CDR2: variants seen among roughly 807,000 people sequenced by gnomAD.
The protein encoded by CDR2 is cerebellar degeneration related protein 2.
CDR2 carries 34 observed loss-of-function variants against 48.4 expected under a neutral mutation model. The ratio of observed to expected loss-of-function variants is 0.70; its 90% CI spans 0.53 to 0.94. The LOEUF (loss-of-function observed/expected upper bound fraction) is 0.94. Ranked by LOEUF, CDR2 falls within the 40% of genes least tolerant of loss-of-function variation. CDR2 has a pLI of 0.00. For missense variants in CDR2, 498 were observed against 549.5 expected, an observed-to-expected ratio of 0.91 and a Z score of 0.94; for synonymous variants, 240 against 219.7, an observed-to-expected ratio of 1.09 and a Z score of -0.82.
At position 22,349,354 on chromosome 16, in the gene CDR2, C is replaced by T. The variant is rs756841589; in HGVS notation, c.431G>A (p.Arg144Lys). Reference protein sequence around the residue: ...EELKSSGQGRRSPGKCDQEKP... With the variant: ...EELKSSGQGRKSPGKCDQEKP... ...CTCCTGGTCACACTTTCCCGGGCTC[C>T]TTCTCCCTTGGCCAGATGACTTCAG... The change falls in exon 4 of 5, where the codon AGG becomes AAG. Residue 144 changes from arginine to lysine, a missense_variant. Physicochemically the swap from Arg to Lys is conservative, Grantham distance 26. Coordinates refer to ENST00000268383, the MANE Select transcript of CDR2 (RefSeq NM_001802.2). The T allele has an allele frequency of 2.7e-5, 44 of 1,614,192 alleles. No individual in the cohort carries two copies. The highest frequency in any genetic ancestry group is 3.6e-5 in the Non-Finnish European group (43 of 1,180,034).
Position 22,364,913 on chromosome 16 carries a change from G to C in CDR2, c.181C>G (p.Gln61Glu). The C allele has an allele frequency of 6.2e-7, 1 of 1,601,638 alleles. No homozygotes were observed. Among genetic ancestry groups the C allele is most frequent in the Non-Finnish European group, 8.6e-7 (1 of 1,168,714 alleles). Residue 61 changes from glutamine (Q) to glutamate (E), a missense_variant, in exon 2 of 5, where the codon CAG becomes GAG. Coordinates refer to ENST00000268383, the MANE Select transcript of CDR2 (RefSeq NM_001802.2). Reference sequence around the variant, plus strand: ...GCCAAGTGAATTACCTCAATTTCCTGTAACTGCTCCTGATTGGTTGTATAC... The same window carrying C: ...GCCAAGTGAATTACCTCAATTTCCTCTAACTGCTCCTGATTGGTTGTATAC... ...QMYTTNQEQL[Q>E]EIEYLTKQVE...
intron 1 of CDR2, chr16:22,367,316 C>G (rs992895917): frequency 6.6e-6 from 1 of 152,352 alleles, no homozygotes; most frequent in African/African-American, 2.4e-5. Context: ...GCATGAGCCA[C>G]TGTGCCCAGC....
At chr16:22,363,741 G>A (rs2049026584) in intron 2 of CDR2, among the ~76,000 whole-genome samples, 1 of 152,148 alleles carries the variant, frequency 6.6e-6, no homozygotes, top group African/African-American at 2.4e-5. Context: ...GGGGAAGCAT[G>A]GGTTGGGACA....
At chr16:22,370,856 T>C (rs1004006193) in intron 1 of CDR2, among the ~76,000 whole-genome samples, 1 of 152,240 alleles carries the variant, frequency 6.6e-6, no homozygotes, top group Non-Finnish European at 1.5e-5. Flanking sequence ...ATTCAGAGCA[T>C]GGCTTACTAC....
chr16:22,362,754 AGTTTT>A (rs1206900061), intron 2 of CDR2, among the ~76,000 whole-genome samples: 1 of 152,200 alleles, frequency 6.6e-6, no homozygotes, highest in Non-Finnish European at 1.5e-5. Flanking sequence ...CTAGTTTAAT[AGTTTT>A]GTTTTTAGAC....
chr16:22,368,387 G>T (rs2141853788), intron 1 of CDR2, among the ~76,000 whole-genome samples: 1 of 152,080 alleles, frequency 6.6e-6, no homozygotes, highest in East Asian at 1.9e-4. Context: ...TTTTTGTATT[G>T]TTAGTAGAGA....
chr16:22,359,189 G>A (rs562881696), intron 2 of CDR2, among the ~76,000 whole-genome samples: 2 of 151,926 alleles, frequency 1.3e-5, no homozygotes, highest in African/African-American at 2.4e-5. Context: ...CTGCAGTGGC[G>A]CAATCTTGGC....
At chr16:22,350,576 T>C (rs529466568) in intron 2 of CDR2, among the ~76,000 whole-genome samples, 1 of 152,268 alleles carries the variant, frequency 6.6e-6, no homozygotes, top group East Asian at 1.9e-4. Context: ...AGACCAAATA[T>C]ATAATTTTTA....
intron 2 of CDR2, among the ~76,000 whole-genome samples, chr16:22,362,351 A>G (rs1198111938): frequency 1.3e-5 from 2 of 152,242 alleles, no homozygotes; most frequent in African/African-American, 2.4e-5. Flanking sequence ...CAGAATACCA[A>G]TGATCTAGCT....
chr16:22,353,473 G>A (rs1458575869), intron 2 of CDR2, among the ~76,000 whole-genome samples: 1 of 152,198 alleles, frequency 6.6e-6, no homozygotes, highest in African/African-American at 2.4e-5. Flanking sequence ...AAATATGTGT[G>A]TGGGAGAGAC....
rs752879675 is a variant in CDR2 at position 22,347,247 on chromosome 16, T to C, written c.1083A>G (p.Glu361=). 1.9e-6 allele frequency: 3 copies of C among 1,614,188 alleles called. No individual in the cohort carries two copies. In the East Asian group the frequency reaches 6.7e-5, roughly 36 times the overall value. The stretch of plus-strand genomic sequence containing the variant: ...CCTCTTGGCACTTCTTCAGCAACTC[T>C]TCATACTTCACCTTCAGGGCGCTGT... ...TQYSALKVKY[E]ELLKKCQEEQ... is the part of the protein sequence containing the mutation. Residue 361 remains glutamate (E), a synonymous_variant, in exon 5 of 5, where the codon GAA becomes GAG. Transcript: ENST00000268383.
chr16:22,347,298 G>C lies in CDR2; in HGVS notation c.1032C>G (p.Ser344=). The change falls in exon 5 of 5, where the codon TCC becomes TCG. Residue 344 remains serine (S), a synonymous_variant. Transcript: ENST00000268383. Reference sequence around the variant, plus strand: ...ACTGCGTGTCCACTTCGTGCAGAAGGGAGATGCCCCTCTGTTTCACAGCCT... The same window carrying C: ...ACTGCGTGTCCACTTCGTGCAGAAGCGAGATGCCCCTCTGTTTCACAGCCT... The part of the protein sequence containing the change: ...RAKAVKQRGI[S]LLHEVDTQYS... The C allele has an allele frequency of 1.9e-6, 3 of 1,614,228 alleles. No homozygotes were observed. The highest frequency in any genetic ancestry group is 2.5e-6 in the Non-Finnish European group (3 of 1,180,046).
rs898681378 is a variant in CDR2, at chr16:22,362,491, G to A, written c.192+2411C>T. On this transcript the variant is annotated intron_variant, in intron 2 of 4. Coordinates refer to ENST00000268383, the MANE Select transcript of CDR2 (RefSeq NM_001802.2). ...TCTTTCAGCTACACTTGAAAGATAT[G>A]CTAAAATAAGTACCAGTTATAGTGT... is the stretch of plus-strand genomic sequence containing the variant. Among the ~76,000 whole-genome samples, 14 of 152,264 alleles carry A rather than the reference G, an allele frequency of 9.2e-5. No individual in the cohort carries two copies. In the South Asian group the frequency reaches 2.1e-3, roughly 23 times the overall value.
intron 2 of CDR2, 25 bp from the exon 3 acceptor site, chr16:22,349,874 T>C (rs745994733): frequency 1.2e-6 from 2 of 1,612,392 alleles, no homozygotes; most frequent in Middle Eastern, 1.7e-4. Flanking sequence ...CAGGACCAGG[T>C]GACACAAACA....
At chr16:22,358,083 C>A (rs1323672765) in intron 2 of CDR2, among the ~76,000 whole-genome samples, 1 of 152,168 alleles carries the variant, frequency 6.6e-6, no homozygotes, top group Non-Finnish European at 1.5e-5. Flanking sequence ...AAATGATGAG[C>A]TCTCTAAGTA....
At chr16:22,349,211 G>A (rs2048925705) in intron 4 of CDR2, 68 bp downstream of exon 4, 3 of 1,525,344 alleles carry the variant, frequency 2.0e-6, no homozygotes, top group South Asian at 2.3e-5. Context: ...TCAATCTACT[G>A]GAAATCAGAA....
Position 22,374,419 on chromosome 16 carries a change from G to A in CDR2, c.-110C>T, listed in dbSNP as rs550577771. Reference sequence around the variant, plus strand: ...CTCAGCCAGAGCCGCCCTCGGGCGGGACGCGCCGCCGCCCAGACTCCGCTG... The same window carrying A: ...CTCAGCCAGAGCCGCCCTCGGGCGGAACGCGCCGCCGCCCAGACTCCGCTG... On this transcript the variant is annotated 5_prime_UTR_variant, in exon 1 of 5. Coordinates refer to ENST00000268383, the MANE Select transcript of CDR2 (RefSeq NM_001802.2). The A allele has an allele frequency of 1.9e-6, 1 of 525,084 alleles. No homozygotes were observed. Among genetic ancestry groups the A allele is most frequent in the South Asian group, 4.6e-5 (1 of 21,816 alleles). The allele number at this position is 525,084 out of a possible 1,614,324, so 32.5% of individuals were successfully genotyped here.
intron 2 of CDR2, among the ~76,000 whole-genome samples, chr16:22,355,399 G>T (rs918788881): frequency 6.6e-6 from 1 of 152,242 alleles, no homozygotes; most frequent in African/African-American, 2.4e-5. Flanking sequence ...GCAGTTCTTA[G>T]CCTGGGGTCC....
intron 1 of CDR2, among the ~76,000 whole-genome samples, chr16:22,371,208 TCAAAAAAAAAAAAAAAGTTTTAAG>T (rs1300484595): frequency 3.4e-5 from 5 of 145,440 alleles, no homozygotes; most frequent in Non-Finnish European, 3.0e-5. Context: ...AGACTCCACC[TCAAAAAAAAAAAAAAAGTTTTAAG>T]CAGTTCTCTC....
Sources: gnomAD v4.1 joint callset for allele counts (sites outside exome capture counted in the v4.1 genomes callset) on GRCh38, gnomAD v4.1.1 for gene constraint, MANE v1.5 for transcripts, NCBI Gene and HGNC (gene_info 2026-07-23, HGNC 2026-07-21) for gene names.